CEP350: variants seen among roughly 807,000 people sequenced by gnomAD.
CEP350 encodes the protein centrosome-associated protein 350.
In CEP350, 126 loss-of-function variants were observed where a neutral mutation model predicts 331.8. The observed-to-expected ratio is 0.38, with a 90% confidence interval of 0.33 to 0.44. The LOEUF (loss-of-function observed/expected upper bound fraction) is 0.44, where lower values mean the gene tolerates loss of function less well. Among genes scored for constraint, CEP350 ranks in the 20% least tolerant of loss-of-function variants. CEP350 has a pLI of 1.00. For synonymous variants in CEP350, 1,200 were observed against 1,259.5 expected, an observed-to-expected ratio of 0.95 and a Z score of 1.00; for missense variants, 3,406 against 3,634.6, an observed-to-expected ratio of 0.94 and a Z score of 1.62.
intron 17 of CEP350, among the ~76,000 whole-genome samples, chr1:180,040,416 C>T (rs1322256717): frequency 6.6e-6 from 1 of 151,930 alleles, no homozygotes; most frequent in Non-Finnish European, 1.5e-5. Context: ...TTACATACAG[C>T]CTTACCACCA....
At chr1:179,990,438 A>G (rs2148684012) in intron 3 of CEP350, 69 bp from the exon 4 acceptor site, 2 of 733,550 alleles carry the variant, frequency 2.7e-6, no homozygotes, top group Non-Finnish European at 4.4e-6. Flanking sequence ...TTAAATAACC[A>G]TGTAAATTGA....
At chr1:180,106,614 T>A (rs1661159344) in intron 37 of CEP350, among the ~76,000 whole-genome samples, 1 of 152,140 alleles carries the variant, frequency 6.6e-6, no homozygotes, top group Admixed American at 6.5e-5. Flanking sequence ...TCACCCAGGC[T>A]GGAGTGCAGT....
intron 27 of CEP350, among the ~76,000 whole-genome samples, chr1:180,067,427 G>A (rs774419400): frequency 1.3e-5 from 2 of 152,182 alleles, no homozygotes; most frequent in Admixed American, 6.5e-5. Flanking sequence ...GGTGGCTCAC[G>A]CCTGTAATCC....
intron 30 of CEP350, among the ~76,000 whole-genome samples, chr1:180,082,193 T>C (rs571594175): frequency 7.9e-5 from 12 of 152,366 alleles, no homozygotes; most frequent in African/African-American, 2.2e-4. Context: ...ATTTGTAAGA[T>C]ACTGTTTTAT....
Position 179,996,975 on chromosome 1 carries a change from T to TAAAGCGGCGACA in CEP350, c.820_831dup (p.Lys274_Gln277dup). On this transcript the variant is annotated inframe_insertion, in exon 6 of 38. Coordinates refer to ENST00000367607, the MANE Select transcript of CEP350 (RefSeq NM_014810.5). ...TCTAATTCCCAAAGATTAGATATTC[T>TAAAGCGGCGACA]AAAGCGGCGACAACATGATGTCAAA... 1 of 1,614,026 alleles carries TAAAGCGGCGACA rather than the reference T, an allele frequency of 6.2e-7. No homozygotes were observed. The highest frequency in any genetic ancestry group is 8.5e-7 in the Non-Finnish European group (1 of 1,179,878).
At chr1:180,045,942 A>G (rs1250944011) in intron 21 of CEP350, among the ~76,000 whole-genome samples, 1 of 152,228 alleles carries the variant, frequency 6.6e-6, no homozygotes, top group Non-Finnish European at 1.5e-5. Context: ...GTTCTCTAGA[A>G]GAACCATGCT....
intron 6 of CEP350, among the ~76,000 whole-genome samples, chr1:180,001,282 A>G (rs959967913): frequency 1.3e-5 from 2 of 152,126 alleles, no homozygotes; most frequent in Non-Finnish European, 2.9e-5. Context: ...TTTTTGAGAC[A>G]GAGTCTCAGT....
chr1:179,968,181 A>G (rs895215939), intron 1 of CEP350, among the ~76,000 whole-genome samples: 3 of 152,142 alleles, frequency 2.0e-5, no homozygotes, highest in Non-Finnish European at 2.9e-5. Context: ...AAATATAAAA[A>G]TTAGCTGGGC....
chr1:180,033,930 C>T lies in CEP350; in HGVS notation c.3794C>T (p.Ser1265Leu). ...CCCCTGTCACCAAGTTCCCAGAAATCATTGCAGTTTGACGTTGCAGGAACT... is the reference window on the plus strand; with the variant it reads ...CCCCTGTCACCAAGTTCCCAGAAATTATTGCAGTTTGACGTTGCAGGAACT... ...TSPLSPSSQK[S>L]LQFDVAGTSS... The change falls in exon 16 of 38, where the codon TCA becomes TTA. Residue 1265 changes from serine (S) to leucine (L), a missense_variant. Around this residue, in one of 5 missense-constraint regions of CEP350, gnomAD observed 1,857 missense variants for 1,909.2 expected, o/e 0.97. Coordinates refer to ENST00000367607, the MANE Select transcript of CEP350 (RefSeq NM_014810.5). 1 of 1,613,882 alleles carries T rather than the reference C, an allele frequency of 6.2e-7. No homozygotes were observed. The highest frequency in any genetic ancestry group is 8.5e-7 in the Non-Finnish European group (1 of 1,179,826).
At chr1:180,099,744 A>T (rs569569132) in intron 37 of CEP350, among the ~76,000 whole-genome samples, 85 of 150,148 alleles carry the variant, frequency 5.7e-4, no homozygotes, top group Non-Finnish European at 1.1e-3. Context: ...ACATTTGCTT[A>T]GTATTTTATA....
rs371166728 is a variant in CEP350 at position 179,992,200 on chromosome 1, G to A, written c.374G>A (p.Arg125His). Residue 125 changes from arginine (R) to histidine (H), a missense_variant, in exon 5 of 38, where the codon CGT becomes CAT. By Grantham distance (29) the Arg-to-His change is conservative. This residue lies in a region of CEP350 where 1,857 missense variants were observed against 1,909.2 expected (regional missense o/e 0.97). Transcript: ENST00000367607. ...NVKKNNRVEF[R>H]EPLVSYREIH... ...AAGAAAAATAATCGTGTGGAATTTC[G>A]TGAACCTTTGGTTTCTTATAGGTTA... 1.9e-5 allele frequency: 29 copies of A among 1,502,436 alleles called. No individual in the cohort carries two copies. In the African/African-American group the frequency reaches 2.6e-4, roughly 14 times the overall value. 93.1% of individuals were successfully genotyped at this position (1,502,436 alleles called of 1,614,324 possible).
At chr1:180,030,418 A>T (rs2148875285) in intron 14 of CEP350, among the ~76,000 whole-genome samples, 1 of 150,646 alleles carries the variant, frequency 6.6e-6, no homozygotes, top group South Asian at 2.1e-4. Flanking sequence ...ATTTATATGC[A>T]GTTTTGTAAT....
intron 1 of CEP350, among the ~76,000 whole-genome samples, chr1:179,960,454 A>C (rs1456814426): frequency 6.6e-6 from 1 of 152,172 alleles, no homozygotes; most frequent in African/African-American, 2.4e-5. Flanking sequence ...ATAGTAACTC[A>C]CCTGGACACT....
At chr1:180,028,268 G>A (rs2148865998) in intron 14 of CEP350, among the ~76,000 whole-genome samples, 1 of 152,328 alleles carries the variant, frequency 6.6e-6, no homozygotes, top group Middle Eastern at 3.4e-3. Context: ...TTTTCCAAGT[G>A]TATTTTGACT....
At chr1:179,969,260 A>C (rs1651253237) in intron 1 of CEP350, 1 of 504,442 alleles carries the variant, frequency 2.0e-6, no homozygotes, top group South Asian at 1.6e-5. Context: ...TCCTGAAGAG[A>C]CTGAAAAAGC....
At position 179,971,248 on chromosome 1, in the gene CEP350, C is replaced by T. The variant is rs1394634068; in HGVS notation, c.-13-14921C>T. Among the ~76,000 whole-genome samples, 4 of 151,754 alleles carry T rather than the reference C, an allele frequency of 2.6e-5. No individual in the cohort carries two copies. The East Asian group carries it at 5.8e-4, about 22-fold the overall frequency. ...TTCACCATGTTGGCCAGGCTGGTCT[C>T]GAACTCCTGACTGCAGGTGATCTGC... On this transcript the variant is annotated intron_variant, in intron 1 of 37. Coordinates refer to ENST00000367607, the MANE Select transcript of CEP350 (RefSeq NM_014810.5).
intron 18 of CEP350, 145 bp from the exon 19 acceptor site, chr1:180,041,516 AG>A: frequency 1.2e-6 from 1 of 819,922 alleles, no homozygotes; most frequent in Non-Finnish European, 1.9e-6. Context: ...TGAACAGTAG[AG>A]TTAAGACTTA....
intron 3 of CEP350, among the ~76,000 whole-genome samples, chr1:179,989,265 C>A (rs1288805002): frequency 3.3e-5 from 5 of 151,786 alleles, no homozygotes; most frequent in Admixed American, 2.6e-4. Flanking sequence ...TCAACCTGGA[C>A]ATTTGGGAGC....
At chr1:180,055,519 T>G (rs1047862259) in intron 25 of CEP350, among the ~76,000 whole-genome samples, 1 of 151,702 alleles carries the variant, frequency 6.6e-6, no homozygotes, top group Non-Finnish European at 1.5e-5. Flanking sequence ...ACAGATAATA[T>G]GAATTTGAAT....
Sources: allele counts gnomAD v4.1 joint callset (sites outside exome capture counted in the v4.1 genomes callset), GRCh38; gene constraint gnomAD v4.1.1; regional missense constraint gnomAD v4.1.1; transcripts MANE v1.5; gene names NCBI Gene and HGNC (gene_info 2026-07-23, HGNC 2026-07-21).